PPP2R2A: variants seen among roughly 807,000 people sequenced by gnomAD.
PPP2R2A encodes serine/threonine-protein phosphatase 2A 55 kDa regulatory subunit B alpha isoform.
Under a neutral mutation model 53.2 loss-of-function variants are expected in PPP2R2A, and 9 were observed. That is an observed-to-expected ratio of 0.17 (90% confidence interval 0.10 to 0.30). The LOEUF (loss-of-function observed/expected upper bound fraction) is 0.30, where lower values mean the gene tolerates loss of function less well. Ranked by LOEUF, PPP2R2A falls within the 10% of genes least tolerant of loss-of-function variation. The pLI, the probability that PPP2R2A is intolerant of heterozygous loss-of-function variation, is 1.00. For synonymous variants in PPP2R2A, 169 were observed against 174.2 expected (o/e 0.97, Z 0.23); for missense variants, 235 against 534.6 (o/e 0.44, Z 5.53).
chr8:26,311,028 G>A (rs980988342), intron 2 of PPP2R2A, among the ~76,000 whole-genome samples: 1 of 152,174 alleles, frequency 6.6e-6, no homozygotes, highest in Non-Finnish European at 1.5e-5. Context: ...CCTAAATGAA[G>A]TGGATTTTTT....
At chr8:26,293,581 A>G in intron 1 of PPP2R2A, 85 bp from the exon 2 acceptor site, 1 of 1,324,562 alleles carries the variant, frequency 7.5e-7, no homozygotes, top group Non-Finnish European at 1.1e-6. Context: ...TGTTAGTATC[A>G]TGCCAACCAT....
At chr8:26,292,382 T>G (rs1257854175) in intron 1 of PPP2R2A, 2 of 985,710 alleles carry the variant, frequency 2.0e-6, no homozygotes, top group Admixed American at 6.1e-5. Context: ...AATTTTTTGT[T>G]TCGAACCATT....
rs569354667 is a variant in PPP2R2A at position 26,326,915 on chromosome 8, A to G, written c.83-11975A>G. The stretch of plus-strand genomic sequence containing the variant: ...TTAAAAAACCACACCTATAGACTAA[A>G]TGTATTAGCAGCTGTTTATCTTTCT... On this transcript the variant is annotated intron_variant, in intron 2 of 9. Transcript: ENST00000380737. 2.6e-5 allele frequency among the ~76,000 whole-genome samples: 4 copies of G among 152,318 alleles called. No homozygotes were observed. In the East Asian group the frequency reaches 5.8e-4, roughly 22 times the overall value.
chr8:26,329,695 G>GA (rs1465441050), intron 2 of PPP2R2A, among the ~76,000 whole-genome samples: 2 of 152,106 alleles, frequency 1.3e-5, no homozygotes, highest in Admixed American at 6.5e-5. Flanking sequence ...CGTGATGCTG[G>GA]AAAAAAGCTT....
At chr8:26,333,702 A>C (rs1803498071) in intron 2 of PPP2R2A, 1 of 305,328 alleles carries the variant, frequency 3.3e-6, no homozygotes, top group African/African-American at 2.2e-5. Flanking sequence ...ACATTTTTGA[A>C]CCTTTGGCTG....
Position 26,293,749 on chromosome 8 carries a change from G to T in PPP2R2A, c.82+9G>T. On this transcript the variant is annotated intron_variant, in intron 2 of 9. Transcript: ENST00000380737. Reference sequence around the variant, plus strand: ...TGATGATGTAGCAGAAGGTAAGAAAGCGTTTAATGCAAAATTTGGATATAT... The same window carrying T: ...TGATGATGTAGCAGAAGGTAAGAAATCGTTTAATGCAAAATTTGGATATAT... The T allele has an allele frequency of 1.9e-6, 3 of 1,612,506 alleles. No homozygotes were observed. The highest frequency in any genetic ancestry group is 2.5e-6 in the Non-Finnish European group (3 of 1,178,872).
chr8:26,340,124 G>C (rs990883597), intron 3 of PPP2R2A, among the ~76,000 whole-genome samples: 1 of 151,988 alleles, frequency 6.6e-6, no homozygotes, highest in African/African-American at 2.4e-5. Flanking sequence ...CTCGTGGGAA[G>C]TGGGGGGCTA....
rs895916699 is a variant in PPP2R2A, at chr8:26,362,092, A to G, written c.638-592A>G. Among the ~76,000 whole-genome samples the G allele has an allele frequency of 1.3e-5, 2 of 150,744 alleles. No homozygotes were observed. The highest frequency in any genetic ancestry group is 4.9e-5 in the African/African-American group (2 of 41,198). On this transcript the variant is annotated intron_variant, in intron 6 of 9. Coordinates refer to ENST00000380737, the MANE Select transcript of PPP2R2A (RefSeq NM_002717.4). This position sits in a 1 kb window ranked among gnomAD's most constrained non-coding sequence, Gnocchi z 4.4. ...AGATTAGAAAAAGATTAATAATTAG[A>G]TTAGATTAGAAAAAGATTAGAAAAA...
intron 2 of PPP2R2A, among the ~76,000 whole-genome samples, chr8:26,329,742 A>AAGG (rs1803274126): frequency 6.6e-6 from 1 of 152,224 alleles, no homozygotes. Flanking sequence ...TTTACTTACC[A>AAGG]AGGGTTTTTT....
intron 2 of PPP2R2A, among the ~76,000 whole-genome samples, chr8:26,309,281 T>C (rs1376861379): frequency 2.0e-5 from 3 of 151,802 alleles, no homozygotes; most frequent in Non-Finnish European, 3.0e-5. Context: ...TCCCTCTCTA[T>C]CAGAGTTCTT....
intron 3 of PPP2R2A, among the ~76,000 whole-genome samples, chr8:26,341,791 C>G (rs1240100767): frequency 6.6e-6 from 1 of 152,132 alleles, no homozygotes; most frequent in Non-Finnish European, 1.5e-5. Context: ...CAAAATATCT[C>G]CACCCACTCA....
In PPP2R2A at chr8:26,339,070, G is replaced by A. The variant is rs1563308742; in HGVS notation, c.180+83G>A. 15 of 1,034,994 alleles carry A rather than the reference G, an allele frequency of 1.4e-5. No homozygotes were observed. In the South Asian group the frequency reaches 2.0e-4, roughly 14 times the overall value. 64.1% of individuals were successfully genotyped at this position (1,034,994 alleles called of 1,614,324 possible). A position where few individuals can be genotyped will look rare whatever the true frequency, so the allele number is the denominator to read the frequency against. ...GTTGCACTGGAGAATCTCATCAGAGGATGTTGGAATTTTAAAAGAAGTGTG... is the reference window on the plus strand; with the variant it reads ...GTTGCACTGGAGAATCTCATCAGAGAATGTTGGAATTTTAAAAGAAGTGTG... On this transcript the variant is annotated intron_variant, in intron 3 of 9. Transcript: ENST00000380737.
At chr8:26,302,361 A>G (rs1396627408) in intron 2 of PPP2R2A, among the ~76,000 whole-genome samples, 1 of 152,254 alleles carries the variant, frequency 6.6e-6, no homozygotes, top group Non-Finnish European at 1.5e-5. Context: ...AAATAAAATC[A>G]GTAGTCATAT....
chr8:26,326,648 C>T (rs990360378), intron 2 of PPP2R2A, among the ~76,000 whole-genome samples: 1 of 152,162 alleles, frequency 6.6e-6, no homozygotes, highest in Non-Finnish European at 1.5e-5. Flanking sequence ...CTTAATTAGG[C>T]ATACATAGAT....
At position 26,363,683 on chromosome 8, in the gene PPP2R2A, C is replaced by T. The variant is rs769802513; in HGVS notation, c.803-38C>T. 4.7e-6 allele frequency: 7 copies of T among 1,484,250 alleles called. No individual in the cohort carries two copies. The Admixed American group carries it at 1.2e-4, about 26-fold the overall frequency. 91.9% of individuals were successfully genotyped at this position (1,484,250 alleles called of 1,614,324 possible). ...GCTTTGTCCAAGCCAGAATATTGTA[C>T]ACCTTGCCCTTTTTGTGTTGTTTTG... is the stretch of plus-strand genomic sequence containing the variant. On this transcript the variant is annotated intron_variant, in intron 7 of 9. Transcript: ENST00000380737.
intron 2 of PPP2R2A, among the ~76,000 whole-genome samples, chr8:26,295,399 G>A (rs533404656): frequency 6.6e-6 from 1 of 152,274 alleles, no homozygotes; most frequent in Non-Finnish European, 1.5e-5. Context: ...TAATGTATAG[G>A]TTCTGTCAAT....
At chr8:26,339,751 A>G (rs1803851486) in intron 3 of PPP2R2A, among the ~76,000 whole-genome samples, 1 of 152,106 alleles carries the variant, frequency 6.6e-6, no homozygotes, top group Non-Finnish European at 1.5e-5. Context: ...TATTTATAAT[A>G]TATTTAAAAA....
intron 3 of PPP2R2A, among the ~76,000 whole-genome samples, chr8:26,353,427 A>T (rs1804618793): frequency 6.6e-6 from 1 of 152,208 alleles, no homozygotes; most frequent in South Asian, 2.1e-4. Flanking sequence ...TTTCCTTTTG[A>T]TATGGAGAAT....
In PPP2R2A at chr8:26,362,051, ATTAAGATTAATT is replaced by A. The variant is rs1178040873; in HGVS notation, c.638-623_638-612del. Among the ~76,000 whole-genome samples the A allele has an allele frequency of 1.3e-5, 2 of 148,734 alleles. No individual in the cohort carries two copies. Among genetic ancestry groups the A allele is most frequent in the African/African-American group, 4.9e-5 (2 of 40,836 alleles). The stretch of plus-strand genomic sequence containing the variant: ...AGATTAAGATTAATCTTAAGATTAG[ATTAAGATTAATT>A]TTAAGATTAGAAAAAGATTAATAAT... On this transcript the variant is annotated intron_variant, in intron 6 of 9. Transcript: ENST00000380737. This position sits in a 1 kb window ranked among gnomAD's most constrained non-coding sequence, Gnocchi z 4.4.
Sources: gnomAD v4.1 joint callset for allele counts (sites outside exome capture counted in the v4.1 genomes callset) on GRCh38, gnomAD v4.1.1 for gene constraint, Gnocchi (gnomAD v3.1) non-coding constraint, MANE v1.5 for transcripts, NCBI Gene and HGNC (gene_info 2026-07-23, HGNC 2026-07-21) for gene names.